The following TPTE variants were observed in gnomAD, a reference collection of about 807,000 sequenced individuals.
TPTE encodes the protein putative tyrosine-protein phosphatase TPTE.
TPTE carries 59 observed loss-of-function variants against 84.1 expected under a neutral mutation model. That is an observed-to-expected ratio of 0.70 (90% CI 0.57 to 0.87). TPTE has a LOEUF of 0.87. Ranked by LOEUF, TPTE falls within the 40% of genes least tolerant of loss-of-function variation. TPTE has a pLI of 0.00. For missense variants in TPTE, 382 were observed against 659.6 expected, an observed-to-expected ratio of 0.58 and a Z score of 4.61; for synonymous variants, 130 against 223.5, an observed-to-expected ratio of 0.58 and a Z score of 3.73.
chr21:10,571,648 G>A (rs1319785712), intron 14 of TPTE, among the ~76,000 whole-genome samples: 1 of 151,912 alleles, frequency 6.6e-6, no homozygotes, highest in Admixed American at 6.6e-5. Context: ...ATTCAACAAG[G>A]ATATATATAT....
intron 10 of TPTE, among the ~76,000 whole-genome samples, chr21:10,566,055 A>G (rs1409516020): frequency 6.6e-6 from 1 of 152,306 alleles, no homozygotes; most frequent in Non-Finnish European, 1.5e-5. Context: ...GGAAACGATT[A>G]GCAAAGTGAA....
At chr21:10,568,415 C>A (rs1269440145) in intron 11 of TPTE, among the ~76,000 whole-genome samples, 1 of 152,310 alleles carries the variant, frequency 6.6e-6, no homozygotes, top group Non-Finnish European at 1.5e-5. Flanking sequence ...AGAAAGCAGG[C>A]AAAGTTAGAA....
rs138821247 is a variant in TPTE, at chr21:10,552,667, C to T, written c.184C>T (p.Arg62Ter). Residue 62 changes from arginine to a stop codon, truncating the protein, a stop_gained, in exon 8 of 24, where the codon CGA becomes TGA. Transcript: ENST00000618007. LOFTEE classifies it high-confidence loss of function. ...TTTTGGTGGCTAAAGTGTGTTAGCA[C>T]GACTTTCCAAGTTTGAAGTTGAAGA... The part of the protein sequence containing the change: ...VSPISESVLA[R>*]LSKFEVEDAE... 1.2e-3 allele frequency: 1,854 copies of T among 1,611,754 alleles called. No homozygotes were observed. The highest frequency in any genetic ancestry group is 2.3e-3 in the Admixed American group (135 of 59,914).
chr21:10,599,797 AATTTAGTTAGTT>A (rs1249498073), intron 21 of TPTE, among the ~76,000 whole-genome samples: 89 of 151,666 alleles, frequency 5.9e-4, no homozygotes, highest in African/African-American at 2.1e-3. Flanking sequence ...ACACAACTCT[AATTTAGTTAGTT>A]AGTTAGTTAG....
intron 1 of TPTE, among the ~76,000 whole-genome samples, chr21:10,523,570 G>T (rs71443672): frequency 6.6e-6 from 1 of 152,286 alleles, no homozygotes; most frequent in African/African-American, 2.4e-5. Context: ...TTGTTCTTGC[G>T]ATAGTTTACT....
At chr21:10,604,653 A>G (rs1207804273) in intron 23 of TPTE, among the ~76,000 whole-genome samples, 1 of 152,308 alleles carries the variant, frequency 6.6e-6, no homozygotes, top group Non-Finnish European at 1.5e-5. Context: ...TTTTTATTCT[A>G]ACATGAGCAA....
chr21:10,546,757 C>G (rs2074475207), intron 7 of TPTE, among the ~76,000 whole-genome samples: 1 of 152,310 alleles, frequency 6.6e-6, no homozygotes, highest in African/African-American at 2.4e-5. Flanking sequence ...GGCCCTCACT[C>G]TCTTTGATTC....
intron 10 of TPTE, among the ~76,000 whole-genome samples, chr21:10,566,647 A>T (rs1264159523): frequency 6.6e-6 from 1 of 152,428 alleles, no homozygotes; most frequent in South Asian, 2.1e-4. Context: ...AATATAGTAC[A>T]TATACACAAG....
At chr21:10,529,752 GTT>G (rs2074143270) in intron 3 of TPTE, among the ~76,000 whole-genome samples, 1 of 152,308 alleles carries the variant, frequency 6.6e-6, no homozygotes, top group East Asian at 1.9e-4. Context: ...ATATTATTCA[GTT>G]TATAATTAAT....
In TPTE at chr21:10,538,692, A is replaced by T; in HGVS notation, c.-32A>T. On this transcript the variant is annotated 5_prime_UTR_variant, in exon 4 of 24. It removes an upstream start codon present in the reference 5' UTR. Coordinates refer to ENST00000618007, the MANE Select transcript of TPTE (RefSeq NM_199261.4). The stretch of plus-strand genomic sequence containing the variant: ...TTGACATCCTCTAGTCCACCCACAA[A>T]TGAATTATCAGGAGTGAACCCAGAG... 6.2e-7 allele frequency: 1 copy of T among 1,613,956 alleles called. No homozygotes were observed. The highest frequency in any genetic ancestry group is 1.3e-5 in the African/African-American group (1 of 74,958).
chr21:10,541,609 C>T (rs796687939), intron 5 of TPTE, among the ~76,000 whole-genome samples: 4 of 152,430 alleles, frequency 2.6e-5, no homozygotes, highest in East Asian at 1.9e-4. Flanking sequence ...TTATCATCTC[C>T]CTGTATCATG....
rs1459527665 is a variant in TPTE, at chr21:10,538,687, C to G, written c.-37C>G. The G allele has an allele frequency of 1.2e-6, 2 of 1,614,072 alleles. No individual in the cohort carries two copies. The highest frequency in any genetic ancestry group is 1.7e-6 in the Non-Finnish European group (2 of 1,179,878). ...TTCTTTTGACATCCTCTAGTCCACC[C>G]ACAAATGAATTATCAGGAGTGAACC... On this transcript the variant is annotated 5_prime_UTR_variant, in exon 4 of 24. Transcript: ENST00000618007.
chr21:10,547,328 A>G (rs2221585), intron 7 of TPTE, among the ~76,000 whole-genome samples: 640 of 152,092 alleles, frequency 4.2e-3, no homozygotes, highest in African/African-American at 0.015. Context: ...GTGGTGACTG[A>G]AAGTTGCCAC....
At chr21:10,531,659 G>T (rs369024593) in intron 3 of TPTE, among the ~76,000 whole-genome samples, 1 of 152,308 alleles carries the variant, frequency 6.6e-6, no homozygotes, top group African/African-American at 2.4e-5. Context: ...GCTCTAATCC[G>T]TCATCTGCCT....
chr21:10,550,222 C>A (rs534756842), intron 7 of TPTE, among the ~76,000 whole-genome samples: 2 of 152,422 alleles, frequency 1.3e-5, no homozygotes, highest in South Asian at 4.1e-4. Context: ...ACATGCAAAA[C>A]CTCCTCACCT....
intron 10 of TPTE, among the ~76,000 whole-genome samples, chr21:10,564,103 G>A (rs1231492405): frequency 8.5e-5 from 13 of 152,308 alleles, no homozygotes; most frequent in African/African-American, 2.4e-4. Context: ...GCAGTGAGCC[G>A]AGATGGTGCC....
At chr21:10,585,752 T>C (rs1280156267) in intron 17 of TPTE, among the ~76,000 whole-genome samples, 1 of 152,310 alleles carries the variant, frequency 6.6e-6, no homozygotes, top group Non-Finnish European at 1.5e-5. Flanking sequence ...AGTCTTTAAA[T>C]TATGGCTCAA....
At chr21:10,530,854 C>T (rs1395206336) in intron 3 of TPTE, among the ~76,000 whole-genome samples, 1 of 152,310 alleles carries the variant, frequency 6.6e-6, no homozygotes, top group Admixed American at 6.5e-5. Context: ...TATAATCAGT[C>T]TAATAGATGG....
At chr21:10,580,865 G>GAA (rs1568740584) in intron 17 of TPTE, among the ~76,000 whole-genome samples, 1 of 151,774 alleles carries the variant, frequency 6.6e-6, no homozygotes, top group African/African-American at 2.4e-5. Flanking sequence ...TGAAAATGGG[G>GAA]GAAAAAAGCC....
Sources: allele counts gnomAD v4.1 joint callset (sites outside exome capture counted in the v4.1 genomes callset), GRCh38; gene constraint gnomAD v4.1.1; transcripts MANE v1.5; gene names NCBI Gene and HGNC (gene_info 2026-07-23, HGNC 2026-07-21).